KIAA0586: variants seen among roughly 807,000 people sequenced by gnomAD.
The protein encoded by KIAA0586 is protein TALPID3.
Under a neutral mutation model 169.8 loss-of-function variants are expected in KIAA0586, and 144 were observed. That is an observed-to-expected ratio of 0.85 (90% CI 0.74 to 0.97). KIAA0586 has a LOEUF of 0.97. KIAA0586 is among the 50% of genes least tolerant of loss of function. KIAA0586 has a pLI of 0.00. For missense variants in KIAA0586, 1,854 were observed against 1,823.0 expected (o/e 1.02, Z -0.31); for synonymous variants, 625 against 612.4 (o/e 1.02, Z -0.30).
the KIAA0586 span, among the ~76,000 whole-genome samples, chr14:58,560,276 T>G: frequency 6.6e-6 from 1 of 152,180 alleles, no homozygotes; most frequent in South Asian, 2.1e-4. Flanking sequence ...GACAGGAAAC[T>G]TCACATGTTT....
intron 21 of KIAA0586, among the ~76,000 whole-genome samples, chr14:58,484,894 A>ATATATATTTATATATATATT (rs1555391486): frequency 1.7e-4 from 1 of 5,834 alleles, no homozygotes; most frequent in Non-Finnish European, 2.9e-4. Flanking sequence ...ATATATTTAT[A>ATATATATTTATATATATATT]TATATATATA....
intron 16 of KIAA0586, among the ~76,000 whole-genome samples, chr14:58,469,441 C>G (rs972683007): frequency 6.6e-6 from 1 of 152,126 alleles, no homozygotes. Context: ...GCCCACTAAC[C>G]CAGTGGTGCA....
Position 58,444,915 on chromosome 14 carries a change from GAAAAAAAAAAAAA to G in KIAA0586, c.807+755_807+767del, listed in dbSNP as rs869127762. On this transcript the variant is annotated intron_variant, in intron 6 of 30. Transcript: ENST00000652326. ...GATGTAGCAAGACCTCATCTCTTAG[GAAAAAAAAAAAAA>G]AAAAAAAAAAAAAATTTAGCCTGGC... 4.7e-4 allele frequency among the ~76,000 whole-genome samples: 53 copies of G among 111,952 alleles called. No individual in the cohort carries two copies. The South Asian group carries it at 4.8e-3, about 10-fold the overall frequency. 73.4% of individuals were successfully genotyped at this position (111,952 alleles called of 152,430 possible). A position where few individuals can be genotyped will look rare whatever the true frequency, so the allele number is the denominator to read the frequency against.
At chr14:58,490,995 G>A (rs913267876) in intron 25 of KIAA0586, among the ~76,000 whole-genome samples, 1 of 152,008 alleles carries the variant, frequency 6.6e-6, no homozygotes, top group African/African-American at 2.4e-5. Context: ...TTTTTAAACA[G>A]TAATTATTTA....
At chr14:58,497,670 T>TA (rs2043255226) in intron 26 of KIAA0586, among the ~76,000 whole-genome samples, 1 of 152,038 alleles carries the variant, frequency 6.6e-6, no homozygotes, top group African/African-American at 2.4e-5. Context: ...TATACTTTTA[T>TA]AAAAATCTTA....
At position 58,464,211 on chromosome 14, in the gene KIAA0586, C is replaced by G. The variant is rs371443237; in HGVS notation, c.2060-1624C>G. 8 of 323,994 alleles carry G rather than the reference C, an allele frequency of 2.5e-5. 1 individual carries two copies. The highest frequency in any genetic ancestry group is 1.8e-5 in the Non-Finnish European group (3 of 167,778). 20.1% of individuals were successfully genotyped at this position (323,994 alleles called of 1,614,324 possible). A position where few individuals can be genotyped will look rare whatever the true frequency, so the allele number is the denominator to read the frequency against. ...TAATGGAATCTGGAACATCATTTTT[C>G]TGAGCCAAGAGAAGACTGAATGGCT... is the stretch of plus-strand genomic sequence containing the variant. On this transcript the variant is annotated intron_variant, in intron 14 of 30. Coordinates refer to ENST00000652326, the MANE Select transcript of KIAA0586 (RefSeq NM_001329943.3).
At chr14:58,429,059 T>C (rs919516819) in intron 1 of KIAA0586, among the ~76,000 whole-genome samples, 1 of 152,220 alleles carries the variant, frequency 6.6e-6, no homozygotes, top group African/African-American at 2.4e-5. Flanking sequence ...ATTAGACCTT[T>C]ACATCGTATA....
intron 9 of KIAA0586, 24 bp from the exon 10 acceptor site, chr14:58,456,678 C>T (rs773009805): frequency 1.0e-5 from 14 of 1,347,520 alleles, no homozygotes; most frequent in East Asian, 2.3e-5. Flanking sequence ...TCTTCTGTAG[C>T]GTTGAAACTC....
At chr14:58,560,897 C>T in the KIAA0586 span, among the ~76,000 whole-genome samples, 28 of 152,254 alleles carry the variant, frequency 1.8e-4, no homozygotes, top group African/African-American at 6.7e-4. Flanking sequence ...AAACAAAGCT[C>T]TTGCTTGTAA....
At chr14:58,481,310 C>T (rs1222180604) in intron 20 of KIAA0586, among the ~76,000 whole-genome samples, 2 of 152,170 alleles carry the variant, frequency 1.3e-5, no homozygotes, top group African/African-American at 4.8e-5. Context: ...ATAAATATCA[C>T]TACTTTAAGT....
chr14:58,557,901 C>CTTTTTTTTTTTTTTTTTTTT, the KIAA0586 span, among the ~76,000 whole-genome samples: 87 of 42,508 alleles, frequency 2.0e-3, 25 homozygotes, highest in African/African-American at 3.6e-3. Flanking sequence ...CCTGAGAAAT[C>CTTTTTTTTTTTTTTTTTTTT]TTTTTTTTTT....
At chr14:58,514,044 C>T (rs2044579856) in intron 29 of KIAA0586, among the ~76,000 whole-genome samples, 1 of 152,004 alleles carries the variant, frequency 6.6e-6, no homozygotes, top group South Asian at 2.1e-4. Flanking sequence ...TTGACTAAAA[C>T]AAATAAATAC....
intron 10 of KIAA0586, among the ~76,000 whole-genome samples, chr14:58,457,090 A>G (rs2039927056): frequency 6.6e-6 from 1 of 152,106 alleles, no homozygotes; most frequent in Admixed American, 6.6e-5. Context: ...GAGTGAATGG[A>G]CTTCATTTAT....
At chr14:58,507,070 C>T (rs2044009637) in intron 27 of KIAA0586, among the ~76,000 whole-genome samples, 1 of 150,868 alleles carries the variant, frequency 6.6e-6, no homozygotes, top group Admixed American at 6.6e-5. Flanking sequence ...ATCACCTGAG[C>T]CTGGGAAGTC....
intron 4 of KIAA0586, among the ~76,000 whole-genome samples, chr14:58,435,256 C>A (rs556812316): frequency 6.6e-6 from 1 of 152,212 alleles, no homozygotes; most frequent in Non-Finnish European, 1.5e-5. Context: ...ACATTTATAT[C>A]ATTTGATCAA....
intron 27 of KIAA0586, among the ~76,000 whole-genome samples, chr14:58,504,050 C>G (rs1425773964): frequency 1.3e-5 from 2 of 152,068 alleles, no homozygotes; most frequent in Non-Finnish European, 2.9e-5. Flanking sequence ...TCTGTCAGTT[C>G]TGAATGTTGT....
chr14:58,537,714 CTT>C (rs2046384507), intron 29 of KIAA0586, among the ~76,000 whole-genome samples: 1 of 151,970 alleles, frequency 6.6e-6, no homozygotes, highest in Non-Finnish European at 1.5e-5. Flanking sequence ...GTGGCGTGAT[CTT>C]GGCTCACTGC....
chr14:58,532,187 A>G (rs917833112), intron 29 of KIAA0586, among the ~76,000 whole-genome samples: 1 of 151,440 alleles, frequency 6.6e-6, no homozygotes, highest in African/African-American at 2.4e-5. Flanking sequence ...GTGTAATTGA[A>G]AAAAAAAAGG....
Position 58,488,789 on chromosome 14 carries a change from T to TA in KIAA0586, c.3697dup (p.Thr1233AsnfsTer4). 1 of 1,613,938 alleles carries TA rather than the reference T, an allele frequency of 6.2e-7. No individual in the cohort carries two copies. Among genetic ancestry groups the TA allele is most frequent in the South Asian group, 1.1e-5 (1 of 91,082 alleles). ...CAACACTGGAGAGCACATTGAGTGT[T>TA]ACTGTCACTGAAACTGAAACTTTAG... On this transcript the variant is annotated frameshift_variant, in exon 24 of 31. Transcript: ENST00000652326. LOFTEE classifies it high-confidence loss of function.
Sources: gnomAD v4.1 joint callset for allele counts (sites outside exome capture counted in the v4.1 genomes callset) on GRCh38, gnomAD v4.1.1 for gene constraint, MANE v1.5 for transcripts, NCBI Gene and HGNC (gene_info 2026-07-23, HGNC 2026-07-21) for gene names.